XKR4: variants seen among roughly 807,000 people sequenced by gnomAD.
XKR4 encodes XK related 4.
Under a neutral mutation model 53.9 loss-of-function variants are expected in XKR4, and 12 were observed. The ratio of observed to expected loss-of-function variants is 0.22; its 90% CI spans 0.14 to 0.36. The LOEUF (loss-of-function observed/expected upper bound fraction) is 0.36. Among genes scored for constraint, XKR4 ranks in the 10% least tolerant of loss-of-function variants. The probability of loss-of-function intolerance (pLI) is 1.00; values close to 1 mark genes in which losing one functional copy is unlikely to be tolerated. For synonymous variants in XKR4, 354 were observed against 362.4 expected (o/e 0.98, Z 0.26); for missense variants, 799 against 859.5 (o/e 0.93, Z 0.88).
intron 1 of XKR4, among the ~76,000 whole-genome samples, chr8:55,155,377 C>T (rs966128169): frequency 2.0e-5 from 3 of 151,620 alleles, no homozygotes; most frequent in African/African-American, 7.3e-5. Flanking sequence ...CAGACCAGAA[C>T]AAATTAAAAA....
chr8:55,273,925 C>T (rs1045518009), intron 1 of XKR4, among the ~76,000 whole-genome samples: 2 of 152,180 alleles, frequency 1.3e-5, no homozygotes, highest in Admixed American at 1.3e-4. Flanking sequence ...GGTGGTTACA[C>T]TACCATCTAG....
At chr8:55,426,787 C>G (rs1246461990) in intron 2 of XKR4, among the ~76,000 whole-genome samples, 1 of 152,156 alleles carries the variant, frequency 6.6e-6, no homozygotes, top group African/African-American at 2.4e-5. Context: ...TGAAACCAAC[C>G]CAAACTATGC....
chr8:55,515,380 T>A (rs1806696791), intron 2 of XKR4, among the ~76,000 whole-genome samples: 1 of 152,222 alleles, frequency 6.6e-6, no homozygotes, highest in Non-Finnish European at 1.5e-5. Context: ...TCAGCAAAGA[T>A]CTGAGCATAG....
chr8:55,229,074 T>A (rs1265784182), intron 1 of XKR4, among the ~76,000 whole-genome samples: 1 of 152,246 alleles, frequency 6.6e-6, no homozygotes, highest in Non-Finnish European at 1.5e-5. Flanking sequence ...TGTCCCTGAC[T>A]GGAGCATGTT....
intron 2 of XKR4, among the ~76,000 whole-genome samples, chr8:55,439,891 T>G (rs1220061151): frequency 6.6e-6 from 1 of 152,176 alleles, no homozygotes; most frequent in African/African-American, 2.4e-5. Flanking sequence ...CAAGAATAAA[T>G]CAAGTTAATC....
chr8:55,433,464 A>G (rs945933457), intron 2 of XKR4, among the ~76,000 whole-genome samples: 6 of 152,114 alleles, frequency 3.9e-5, no homozygotes, highest in Middle Eastern at 3.2e-3. Flanking sequence ...TTATACTCTC[A>G]TTTTCAAGAT....
chr8:55,452,111 G>A, intron 2 of XKR4: 4 of 689,648 alleles, frequency 5.8e-6, no homozygotes, highest in Non-Finnish European at 1.1e-5. Context: ...CCAGGGTGAA[G>A]GAGAAGGTGG....
intron 1 of XKR4, among the ~76,000 whole-genome samples, chr8:55,312,472 G>C (rs1819402720): frequency 6.6e-6 from 1 of 152,160 alleles, no homozygotes; most frequent in Non-Finnish European, 1.5e-5. Flanking sequence ...CCCACACTAT[G>C]GTTATTTTTG....
intron 2 of XKR4, among the ~76,000 whole-genome samples, chr8:55,358,513 C>T (rs1045264550): frequency 6.6e-6 from 1 of 152,122 alleles, no homozygotes. Flanking sequence ...TTGATGATCT[C>T]ATCAGTAGGA....
chr8:55,435,868 T>A (rs566348771), intron 2 of XKR4, among the ~76,000 whole-genome samples: 3 of 152,152 alleles, frequency 2.0e-5, no homozygotes, highest in Non-Finnish European at 4.4e-5. Context: ...AATCAAAAGA[T>A]ATACTCAGAT....
chr8:55,210,595 C>T lies in XKR4; in HGVS notation c.806+107301C>T, dbSNP rs74842219. ...AAGAAGAAAAACTATTTTGTTTTTC[C>T]GTATTGTTGAGGGATTTGAAGAAGC... On this transcript the variant is annotated intron_variant, in intron 1 of 2. Transcript: ENST00000327381. Among the ~76,000 whole-genome samples the T allele has an allele frequency of 8.8e-3, 1,332 of 152,094 alleles. 14 individuals carry two copies. The highest frequency in any genetic ancestry group is 0.031 in the Middle Eastern group (9 of 292).
rs1807029187 is a variant in XKR4 at position 55,536,160 on chromosome 8, C to A, written c.*11933C>A. 6.6e-6 allele frequency: 1 copy of A among 152,152 alleles called. No individual in the cohort carries two copies. The highest frequency in any genetic ancestry group is 1.5e-5 in the Non-Finnish European group (1 of 68,030). 9.4% of individuals were successfully genotyped at this position (152,152 alleles called of 1,614,324 possible). On this transcript the variant is annotated 3_prime_UTR_variant, in exon 3 of 3. Coordinates refer to ENST00000327381, the MANE Select transcript of XKR4 (RefSeq NM_052898.2). ...ACTCATATTGTGAATCTCAATTCTG[C>A]CAGTCACCTAGTCTGTGTATCTGTT...
At chr8:55,225,207 A>G (rs74756780) in intron 1 of XKR4, among the ~76,000 whole-genome samples, 293 of 152,330 alleles carry the variant, frequency 1.9e-3, no homozygotes, top group Non-Finnish European at 3.5e-3. Flanking sequence ...TTACTGCTTC[A>G]TGTGGCTATT....
chr8:55,517,112 T>C (rs1293379459), intron 2 of XKR4: 5 of 151,834 alleles, frequency 3.3e-5, no homozygotes, highest in Admixed American at 2.6e-4. Context: ...ATAATAGACA[T>C]TGGAGACTCC....
chr8:55,485,859 C>T (rs1806182578), intron 2 of XKR4, among the ~76,000 whole-genome samples: 1 of 152,082 alleles, frequency 6.6e-6, no homozygotes, highest in African/African-American at 2.4e-5. Flanking sequence ...TTGGAAAAAC[C>T]AGTGCTGATC....
intron 1 of XKR4, among the ~76,000 whole-genome samples, chr8:55,322,057 C>T (rs1236414651): frequency 2.0e-5 from 3 of 152,122 alleles, no homozygotes; most frequent in Non-Finnish European, 4.4e-5. Context: ...CCTGACTTTC[C>T]CCAATTCCAC....
intron 2 of XKR4, among the ~76,000 whole-genome samples, chr8:55,406,499 C>A (rs1351780708): frequency 2.6e-5 from 4 of 152,290 alleles, no homozygotes; most frequent in African/African-American, 9.6e-5. Context: ...TAAATATATA[C>A]ATGCAACTGC....
chr8:55,122,578 A>G (rs1354779789), intron 1 of XKR4, among the ~76,000 whole-genome samples: 1 of 152,206 alleles, frequency 6.6e-6, no homozygotes. Flanking sequence ...TGACTTGTGA[A>G]TAGTCAGTAT....
At chr8:55,409,283 C>T (rs1186613021) in intron 2 of XKR4, among the ~76,000 whole-genome samples, 3 of 152,244 alleles carry the variant, frequency 2.0e-5, no homozygotes, top group Non-Finnish European at 4.4e-5. Flanking sequence ...AATCCCTCCC[C>T]TCTAAGGCAC....
Sources: allele counts gnomAD v4.1 joint callset (sites outside exome capture counted in the v4.1 genomes callset), GRCh38; gene constraint gnomAD v4.1.1; transcripts MANE v1.5; gene names NCBI Gene and HGNC (gene_info 2026-07-23, HGNC 2026-07-21).